Variants in CIT observed in about 807,000 individuals in gnomAD.
CIT encodes citron Rho-interacting kinase.
CIT carries 79 observed loss-of-function variants against 272.7 expected under a neutral mutation model. That is an observed-to-expected ratio of 0.29 (90% CI 0.24 to 0.35). The LOEUF (loss-of-function observed/expected upper bound fraction) is 0.35, where lower values mean the gene tolerates loss of function less well. Ranked by LOEUF, CIT falls within the 10% of genes least tolerant of loss-of-function variation. The probability of loss-of-function intolerance (pLI) is 1.00; values close to 1 mark genes in which losing one functional copy is unlikely to be tolerated. For synonymous variants in CIT, 948 were observed against 995.6 expected, an observed-to-expected ratio of 0.95 and a Z score of 0.90; for missense variants, 1,909 against 2,618.3, an observed-to-expected ratio of 0.73 and a Z score of 5.91.
At chr12:119,764,808 T>C (rs1962219511) in intron 19 of CIT, among the ~76,000 whole-genome samples, 1 of 152,122 alleles carries the variant, frequency 6.6e-6, no homozygotes, top group Non-Finnish European at 1.5e-5. Context: ...AAATTCTTTT[T>C]TATTTTTTTC....
intron 23 of CIT, among the ~76,000 whole-genome samples, chr12:119,751,255 G>A (rs986129134): frequency 6.6e-6 from 1 of 152,128 alleles, no homozygotes; most frequent in Non-Finnish European, 1.5e-5. Context: ...GAGTACCCTA[G>A]TCAACTTGGC....
intron 1 of CIT, among the ~76,000 whole-genome samples, chr12:119,876,617 T>C (rs981611202): frequency 2.6e-5 from 4 of 152,078 alleles, no homozygotes; most frequent in African/African-American, 9.7e-5. Context: ...GGTGAGATGG[T>C]GCAATTTTTA....
intron 10 of CIT, among the ~76,000 whole-genome samples, chr12:119,792,033 A>G (rs1164643389): frequency 6.6e-6 from 1 of 152,230 alleles, no homozygotes; most frequent in East Asian, 1.9e-4. Flanking sequence ...AAAAAAAATT[A>G]CTTAATAGGG....
intron 37 of CIT, among the ~76,000 whole-genome samples, chr12:119,711,805 A>G (rs1270455525): frequency 6.6e-6 from 1 of 152,084 alleles, no homozygotes; most frequent in Non-Finnish European, 1.5e-5. Flanking sequence ...GCATGTCACC[A>G]CACCTGGCTA....
At chr12:119,732,849 GA>G (rs1361058355) in intron 26 of CIT, among the ~76,000 whole-genome samples, 1 of 152,220 alleles carries the variant, frequency 6.6e-6, no homozygotes, top group Non-Finnish European at 1.5e-5. Context: ...TGAGCAAGTT[GA>G]TGAAAAATGG....
intron 32 of CIT, among the ~76,000 whole-genome samples, chr12:119,715,830 G>C (rs962030573): frequency 6.6e-6 from 1 of 152,144 alleles, no homozygotes; most frequent in Admixed American, 6.5e-5. Context: ...TAGGAATCAG[G>C]CTTTAAGAAC....
intron 9 of CIT, among the ~76,000 whole-genome samples, chr12:119,816,455 C>T (rs1292589026): frequency 1.3e-5 from 2 of 152,132 alleles, no homozygotes; most frequent in African/African-American, 2.4e-5. Flanking sequence ...GAAGACAAAA[C>T]GAGGAAGACC....
At chr12:119,814,453 G>C (rs1183970030) in intron 9 of CIT, among the ~76,000 whole-genome samples, 1 of 152,078 alleles carries the variant, frequency 6.6e-6, no homozygotes, top group Non-Finnish European at 1.5e-5. Flanking sequence ...CTAGTAAGTT[G>C]AATTTCTACC....
At chr12:119,738,316 C>T (rs1958886280) in intron 24 of CIT, among the ~76,000 whole-genome samples, 1 of 152,058 alleles carries the variant, frequency 6.6e-6, no homozygotes, top group Admixed American at 6.6e-5. Flanking sequence ...GATTTTGATC[C>T]AGGGAATGTG....
Position 119,712,927 on chromosome 12 carries a change from G to A in CIT, c.4580-232C>T. ...CAGTCAAATTTCTGATGACGATGCG[G>A]ATTTATGGGTTAGTTGACTGAGGCA... On this transcript the variant is annotated intron_variant, in intron 35 of 47. Transcript: ENST00000392521. This position sits in a 1 kb window ranked among gnomAD's most constrained non-coding sequence, Gnocchi z 5.2. The A allele has an allele frequency of 6.9e-6, 4 of 581,922 alleles. No individual in the cohort carries two copies. Among genetic ancestry groups the A allele is most frequent in the East Asian group, 2.9e-5 (1 of 34,704 alleles). The allele number at this position is 581,922 out of a possible 1,614,324, so 36.0% of individuals were successfully genotyped here. A position where few individuals can be genotyped will look rare whatever the true frequency, so the allele number is the denominator to read the frequency against.
At position 119,690,383 on chromosome 12, in the gene CIT, G is replaced by A. The variant is rs762735120; in HGVS notation, c.5954C>T (p.Pro1985Leu). The change falls in exon 47 of 48, where the codon CCG becomes CTG. Residue 1985 changes from proline (P) to leucine (L), a missense_variant. Around this residue, in one of 8 missense-constraint regions of CIT, gnomAD observed 780 missense variants for 1,067.2 expected, o/e 0.73. Transcript: ENST00000392521. This position sits in a 1 kb window ranked among gnomAD's most constrained non-coding sequence, Gnocchi z 6.0. ...TCGCGGGTGGCTGGGGCCTTCGGGC[G>A]GCGCTGGGCTGGAGGCCACGCGCTT... ...ITKRVASSPA[P>L]PEGPSHPREP... The A allele has an allele frequency of 4.4e-6, 7 of 1,596,964 alleles. No homozygotes were observed. The highest frequency in any genetic ancestry group is 1.3e-5 in the African/African-American group (1 of 74,796).
intron 13 of CIT, among the ~76,000 whole-genome samples, chr12:119,781,293 T>C (rs573687158): frequency 2.0e-5 from 3 of 152,354 alleles, no homozygotes; most frequent in South Asian, 4.1e-4. Context: ...AGCAACAGAA[T>C]ATTAACTGAT....
chr12:119,840,153 A>G (rs777902490), intron 5 of CIT, among the ~76,000 whole-genome samples: 3 of 152,148 alleles, frequency 2.0e-5, no homozygotes, highest in Non-Finnish European at 4.4e-5. Flanking sequence ...CCCCATCCTT[A>G]CAAAAAATTA....
chr12:119,839,283 C>A (rs943811126), intron 5 of CIT, among the ~76,000 whole-genome samples: 1 of 152,094 alleles, frequency 6.6e-6, no homozygotes, highest in Non-Finnish European at 1.5e-5. Flanking sequence ...CTTGCATATG[C>A]GGGGATGGGG....
chr12:119,828,592 C>T (rs1210072006), intron 7 of CIT, among the ~76,000 whole-genome samples: 1 of 150,714 alleles, frequency 6.6e-6, no homozygotes, highest in Non-Finnish European at 1.5e-5. Flanking sequence ...TTTTTAAAGA[C>T]TGCTCTGTCG....
At chr12:119,735,001 T>G (rs1367617231) in intron 25 of CIT, among the ~76,000 whole-genome samples, 159 bp downstream of exon 25, 1 of 152,088 alleles carries the variant, frequency 6.6e-6, no homozygotes, top group African/African-American at 2.4e-5. Flanking sequence ...AAAATACATT[T>G]TTAAAACCCT....
intron 24 of CIT, among the ~76,000 whole-genome samples, chr12:119,736,568 G>A (rs1958770820): frequency 6.6e-6 from 1 of 152,194 alleles, no homozygotes; most frequent in South Asian, 2.1e-4. Flanking sequence ...TAATTCCTAT[G>A]TACGATTTTG....
chr12:119,758,760 C>T (rs1354598663), intron 20 of CIT, 60 bp from the exon 21 acceptor site: 20 of 1,116,116 alleles, frequency 1.8e-5, no homozygotes, highest in South Asian at 9.9e-5. Flanking sequence ...AGGGGCAGTG[C>T]GGGCCAGGGT....
chr12:119,870,901 G>T (rs140039353), intron 2 of CIT, among the ~76,000 whole-genome samples: 1 of 151,702 alleles, frequency 6.6e-6, no homozygotes, highest in Non-Finnish European at 1.5e-5. Flanking sequence ...CAGGCGGATC[G>T]CGAGGTCAGA....
Sources: gnomAD v4.1 joint callset for allele counts (sites outside exome capture counted in the v4.1 genomes callset) on GRCh38, gnomAD v4.1.1 for gene constraint, gnomAD v4.1.1 regional missense constraint, Gnocchi (gnomAD v3.1) non-coding constraint, MANE v1.5 for transcripts, NCBI Gene and HGNC (gene_info 2026-07-23, HGNC 2026-07-21) for gene names.